Variants in CORO2B observed in about 807,000 individuals in gnomAD.
The protein encoded by CORO2B is coronin 2B.
In CORO2B, 26 loss-of-function variants were observed where a neutral mutation model predicts 58.8. The ratio of observed to expected loss-of-function variants is 0.44; its 90% CI spans 0.32 to 0.61. CORO2B has a LOEUF of 0.61. CORO2B is among the 20% of genes least tolerant of loss of function. The pLI is 0.04. For synonymous variants in CORO2B, 242 were observed against 253.8 expected, an observed-to-expected ratio of 0.95 and a Z score of 0.44; for missense variants, 460 against 645.1, an observed-to-expected ratio of 0.71 and a Z score of 3.11.
the CORO2B span, among the ~76,000 whole-genome samples, chr15:68,557,809 A>G: frequency 6.6e-6 from 1 of 152,238 alleles, no homozygotes; most frequent in East Asian, 1.9e-4. Context: ...CTGGGACTCC[A>G]CAGCCTTAGT....
At chr15:68,636,208 A>AG in intron 1 of CORO2B, among the ~76,000 whole-genome samples, 1 of 152,218 alleles carries the variant, frequency 6.6e-6, no homozygotes, top group Non-Finnish European at 1.5e-5. Context: ...GCCAGGAGCA[A>AG]GGGGAGCACA....
In CORO2B at chr15:68,723,931, G is replaced by T. The variant is rs563704057; in HGVS notation, c.1312-1912G>T. ...CCCTAAAAAATAAAAGTAGGCCGGG[G>T]TGGTGGCTCACACCTGCAATCCCAG... is the stretch of plus-strand genomic sequence containing the variant. On this transcript the variant is annotated intron_variant, in intron 11 of 11. Coordinates refer to ENST00000261861, the MANE Select transcript of CORO2B (RefSeq NM_006091.5). Among the ~76,000 whole-genome samples, 877 of 152,152 alleles carry T rather than the reference G, an allele frequency of 5.8e-3. 2 individuals are homozygous for T. Among genetic ancestry groups the T allele is most frequent in the Non-Finnish European group, 0.01 (691 of 67,996 alleles).
intron 8 of CORO2B, among the ~76,000 whole-genome samples, chr15:68,716,858 G>A (rs1426791255): frequency 1.3e-5 from 2 of 151,300 alleles, no homozygotes; most frequent in African/African-American, 2.4e-5. Flanking sequence ...GAGGATGTTA[G>A]GAGACCATCG....
chr15:68,571,649 G>A, the CORO2B span, among the ~76,000 whole-genome samples: 1 of 152,142 alleles, frequency 6.6e-6, no homozygotes, highest in African/African-American at 2.4e-5. Context: ...AAATCAAATT[G>A]TTTATATAGA....
At chr15:68,549,210 G>A in the CORO2B span, among the ~76,000 whole-genome samples, 1 of 152,114 alleles carries the variant, frequency 6.6e-6, no homozygotes, top group African/African-American at 2.4e-5. Flanking sequence ...TATTACCTCT[G>A]GTCTTTCTGT....
intron 1 of CORO2B, among the ~76,000 whole-genome samples, chr15:68,624,692 T>C (rs545120572): frequency 6.6e-6 from 1 of 151,826 alleles, no homozygotes. Flanking sequence ...TTTTCTTTTC[T>C]TTTCTTTTTA....
At chr15:68,519,060 G>C in the CORO2B span, among the ~76,000 whole-genome samples, 1 of 152,182 alleles carries the variant, frequency 6.6e-6, no homozygotes, top group Non-Finnish European at 1.5e-5. Context: ...AGGAGCCCCT[G>C]ACCCAGATGC....
chr15:68,537,791 T>C, the CORO2B span, among the ~76,000 whole-genome samples: 3 of 152,252 alleles, frequency 2.0e-5, no homozygotes, highest in African/African-American at 4.8e-5. Context: ...ATATTGTCTA[T>C]GGCTGCCTTT....
chr15:68,551,648 AC>A, the CORO2B span, among the ~76,000 whole-genome samples: 2 of 152,040 alleles, frequency 1.3e-5, no homozygotes, highest in African/African-American at 2.4e-5. Context: ...CCTGTGAGGG[AC>A]CCTGGGCAGC....
chr15:68,674,405 C>T (rs1201054721), intron 2 of CORO2B, among the ~76,000 whole-genome samples: 3 of 152,218 alleles, frequency 2.0e-5, no homozygotes, highest in African/African-American at 7.2e-5. Context: ...CTGAAGCCAG[C>T]GAATGCCCCA....
At chr15:68,539,318 A>C in the CORO2B span, among the ~76,000 whole-genome samples, 8 of 152,358 alleles carry the variant, frequency 5.3e-5, no homozygotes, top group African/African-American at 1.9e-4. Flanking sequence ...CTGGTAGTGA[A>C]GGATAAATTT....
chr15:68,641,410 C>G, intron 1 of CORO2B: 1 of 466,262 alleles, frequency 2.1e-6, no homozygotes, highest in Non-Finnish European at 2.8e-6. Flanking sequence ...TGTGTCTACA[C>G]CCTGAGGACT....
chr15:68,543,347 C>A, the CORO2B span, among the ~76,000 whole-genome samples: 1 of 152,136 alleles, frequency 6.6e-6, no homozygotes, highest in Non-Finnish European at 1.5e-5. Flanking sequence ...CTGGGAAATG[C>A]CTCTCTCTCC....
the CORO2B span, among the ~76,000 whole-genome samples, chr15:68,529,637 C>G: frequency 6.6e-6 from 1 of 152,050 alleles, no homozygotes; most frequent in Non-Finnish European, 1.5e-5. Flanking sequence ...TAAATCTTGT[C>G]GCAAATTTTT....
At chr15:68,634,758 G>A (rs752215859) in intron 1 of CORO2B, among the ~76,000 whole-genome samples, 3 of 152,196 alleles carry the variant, frequency 2.0e-5, no homozygotes, top group Non-Finnish European at 2.9e-5. Flanking sequence ...AGTTTGAGAA[G>A]CACTGAGCTG....
the CORO2B span, among the ~76,000 whole-genome samples, chr15:68,527,604 G>A: frequency 6.6e-6 from 1 of 152,094 alleles, no homozygotes; most frequent in South Asian, 2.1e-4. Flanking sequence ...GGTAATATAA[G>A]TCCTCCAACT....
At chr15:68,697,344 G>A (rs1332837500) in intron 3 of CORO2B, among the ~76,000 whole-genome samples, 1 of 152,204 alleles carries the variant, frequency 6.6e-6, no homozygotes, top group Non-Finnish European at 1.5e-5. Flanking sequence ...ATAGATGACT[G>A]TATGACAGGT....
In CORO2B at chr15:68,579,140, G is replaced by A. The variant is rs1202546009; in HGVS notation, c.-123G>A. On this transcript the variant is annotated 5_prime_UTR_variant, in exon 1 of 12. Coordinates refer to ENST00000261861, the MANE Select transcript of CORO2B (RefSeq NM_006091.5). Reference sequence around the variant, plus strand: ...GAGCGCAGCCCCCAGGCTCGGCCGAGCCGCCGGCGGGGCGCGGGGAGCGAG... The same window carrying A: ...GAGCGCAGCCCCCAGGCTCGGCCGAACCGCCGGCGGGGCGCGGGGAGCGAG... 3 of 981,398 alleles carry A rather than the reference G, an allele frequency of 3.1e-6. No homozygotes were observed. Among genetic ancestry groups the A allele is most frequent in the Non-Finnish European group, 3.6e-6 (3 of 828,328 alleles). The allele number at this position is 981,398 out of a possible 1,614,324, so 60.8% of individuals were successfully genotyped here.
chr15:68,548,394 C>T, the CORO2B span, among the ~76,000 whole-genome samples: 1 of 152,080 alleles, frequency 6.6e-6, no homozygotes, highest in Admixed American at 6.6e-5. Flanking sequence ...CAGTGGTGTT[C>T]TGGCAAATGT....
Sources: gnomAD v4.1 joint callset for allele counts (sites outside exome capture counted in the v4.1 genomes callset) on GRCh38, gnomAD v4.1.1 for gene constraint, MANE v1.5 for transcripts, NCBI Gene and HGNC (gene_info 2026-07-23, HGNC 2026-07-21) for gene names.